Variants in CREB5 observed in about 807,000 individuals in gnomAD.
CREB5 encodes cAMP responsive element binding protein 5.
A neutral mutation model predicts 57.1 loss-of-function variants in CREB5; 19 were observed. The ratio of observed to expected loss-of-function variants is 0.33; its 90% confidence interval spans 0.23 to 0.49. The LOEUF (loss-of-function observed/expected upper bound fraction) is 0.49. CREB5 is among the 20% of genes least tolerant of loss of function. The pLI is 0.99. For synonymous variants in CREB5, 238 were observed against 238.3 expected, an observed-to-expected ratio of 1.00 and a Z score of 0.01; for missense variants, 579 against 671.6, an observed-to-expected ratio of 0.86 and a Z score of 1.52.
chr7:28,769,594 TAGTTG>T (rs1171823795), intron 7 of CREB5, among the ~76,000 whole-genome samples: 1 of 152,236 alleles, frequency 6.6e-6, no homozygotes, highest in African/African-American at 2.4e-5. Context: ...TGCTTTGAAA[TAGTTG>T]AGTTAACTGT....
rs188255151 is a variant in CREB5, at chr7:28,437,328, G to A, written c.3+24411G>A. On this transcript the variant is annotated intron_variant, in intron 1 of 10. Coordinates refer to ENST00000357727, the MANE Select transcript of CREB5 (RefSeq NM_182898.4). The stretch of plus-strand genomic sequence containing the variant: ...TGAGGATTTTACTCAAGATCATGCA[G>A]TTATTAAGTTGCAGAGCCAGGATTC... Among the ~76,000 whole-genome samples, 44 of 152,316 alleles carry A rather than the reference G, an allele frequency of 2.9e-4. No individual in the cohort carries two copies. In the East Asian group the frequency reaches 7.5e-3, roughly 26 times the overall value.
chr7:28,399,797 T>C (rs770662254), intron 1 of CREB5, among the ~76,000 whole-genome samples: 1 of 152,152 alleles, frequency 6.6e-6, no homozygotes, highest in South Asian at 2.1e-4. Flanking sequence ...GGCTCACGCC[T>C]GTAATCCCAG....
intron 4 of CREB5, among the ~76,000 whole-genome samples, chr7:28,546,194 T>C (rs969455895): frequency 6.6e-6 from 1 of 152,240 alleles, no homozygotes; most frequent in African/African-American, 2.4e-5. Flanking sequence ...TTGTCAAGGT[T>C]CATCCATGTT....
intron 5 of CREB5, among the ~76,000 whole-genome samples, chr7:28,690,860 A>T (rs1036691567): frequency 3.3e-5 from 5 of 151,900 alleles, no homozygotes; most frequent in African/African-American, 1.2e-4. Context: ...CCTTTTTTTT[A>T]AATTCAGGAA....
intron 6 of CREB5, among the ~76,000 whole-genome samples, chr7:28,722,961 G>C (rs903749881): frequency 1.3e-5 from 2 of 152,182 alleles, no homozygotes; most frequent in African/African-American, 2.4e-5. Flanking sequence ...CACAACAAGG[G>C]AAGAGACCTT....
chr7:28,381,741 C>T (rs977947985), intron 1 of CREB5, among the ~76,000 whole-genome samples: 2 of 152,066 alleles, frequency 1.3e-5, no homozygotes, highest in Non-Finnish European at 2.9e-5. Flanking sequence ...AGTAATCACT[C>T]CTAAGTACAA....
upstream of CREB5, among the ~76,000 whole-genome samples, chr7:28,411,069 G>A (rs537192231): frequency 9.9e-5 from 15 of 152,272 alleles, no homozygotes; most frequent in African/African-American, 3.6e-4. Context: ...CCTGATCAGC[G>A]CGCAATCCGC....
At chr7:28,701,593 AG>A (rs903701250) in intron 5 of CREB5, among the ~76,000 whole-genome samples, 11 of 152,324 alleles carry the variant, frequency 7.2e-5, no homozygotes, top group African/African-American at 2.6e-4. Flanking sequence ...AACTCAAACT[AG>A]GGGTATATAT....
intron 1 of CREB5, among the ~76,000 whole-genome samples, chr7:28,442,932 C>T (rs1021606143): frequency 6.6e-6 from 1 of 152,172 alleles, no homozygotes; most frequent in South Asian, 2.1e-4. Flanking sequence ...AAAGATCATT[C>T]CTTACGTAGG....
chr7:28,322,254 C>T (rs775909866), intron 1 of CREB5, among the ~76,000 whole-genome samples: 10 of 152,140 alleles, frequency 6.6e-5, no homozygotes, highest in South Asian at 2.1e-4. Flanking sequence ...CAGGACTACC[C>T]ACTTACTAAG....
intron 1 of CREB5, among the ~76,000 whole-genome samples, chr7:28,385,088 G>A (rs1351152312): frequency 6.6e-6 from 1 of 152,138 alleles, no homozygotes; most frequent in Non-Finnish European, 1.5e-5. Context: ...AGGGAAGTAT[G>A]TATAACTCAT....
At chr7:28,675,397 C>A (rs188369450) in intron 5 of CREB5, among the ~76,000 whole-genome samples, 241 of 152,262 alleles carry the variant, frequency 1.6e-3, no homozygotes, top group African/African-American at 5.4e-3. Flanking sequence ...TGTTTCAGAG[C>A]CCACCTTCAG....
At chr7:28,646,863 G>A (rs1181731003) in intron 5 of CREB5, among the ~76,000 whole-genome samples, 2 of 151,704 alleles carry the variant, frequency 1.3e-5, no homozygotes, top group Non-Finnish European at 2.9e-5. Context: ...TTTTTTTTAA[G>A]TAGCTACCAG....
intron 7 of CREB5, among the ~76,000 whole-genome samples, chr7:28,750,668 T>C (rs1358066796): frequency 1.3e-5 from 2 of 152,214 alleles, no homozygotes; most frequent in Non-Finnish European, 2.9e-5. Flanking sequence ...TGGTAAAAGA[T>C]GATTAAAACA....
intron 1 of CREB5, among the ~76,000 whole-genome samples, chr7:28,307,922 C>T (rs1381005584): frequency 6.6e-6 from 1 of 152,158 alleles, no homozygotes; most frequent in Non-Finnish European, 1.5e-5. Flanking sequence ...TAAACGGAGC[C>T]CCTAATGATG....
At chr7:28,377,215 G>A (rs1172081131) in intron 1 of CREB5, among the ~76,000 whole-genome samples, 1 of 152,070 alleles carries the variant, frequency 6.6e-6, no homozygotes. Context: ...TGTCCAATAT[G>A]GTAGCCACCA....
In CREB5 at chr7:28,560,905, C is replaced by CGTGT. The variant is rs1213126401; in HGVS notation, c.292-9457_292-9456insTGTG. Among the ~76,000 whole-genome samples the CGTGT allele has an allele frequency of 2.7e-3, 36 of 13,440 alleles. 2 individuals carry two copies. Among genetic ancestry groups the CGTGT allele is most frequent in the African/African-American group, 0.015 (31 of 2,096 alleles). 8.8% of individuals were successfully genotyped at this position (13,440 alleles called of 152,430 possible). A position where few individuals can be genotyped will look rare whatever the true frequency, so the allele number is the denominator to read the frequency against. On this transcript the variant is annotated intron_variant, in intron 4 of 10. Coordinates refer to ENST00000357727, the MANE Select transcript of CREB5 (RefSeq NM_182898.4). ...GTGCGTGCGTGTGTGTGCGTGCGCG[C>CGTGT]GTGCGTGTGCGTGTGTGCGCGTGCG... is the stretch of plus-strand genomic sequence containing the variant.
chr7:28,598,471 A>G (rs1259585517), intron 5 of CREB5, among the ~76,000 whole-genome samples: 1 of 152,178 alleles, frequency 6.6e-6, no homozygotes, highest in Non-Finnish European at 1.5e-5. Flanking sequence ...TAAAGCTGCC[A>G]TCAAGCATCT....
At chr7:28,560,965 T>C (rs150102044) in intron 4 of CREB5, among the ~76,000 whole-genome samples, 11,402 of 35,980 alleles carry the variant, frequency 0.32, 2,830 homozygotes, top group East Asian at 0.65. Context: ...TGTGTGCGTG[T>C]GTGTGTGCGT....
Sources: allele counts gnomAD v4.1 joint callset (sites outside exome capture counted in the v4.1 genomes callset), GRCh38; gene constraint gnomAD v4.1.1; transcripts MANE v1.5; gene names NCBI Gene and HGNC (gene_info 2026-07-23, HGNC 2026-07-21).